GALNTL6: variants seen among roughly 807,000 people sequenced by gnomAD.
GALNTL6 encodes the protein polypeptide N-acetylgalactosaminyltransferase like 6, also known as polypeptide N-acetylgalactosaminyltransferase-like 6.
A neutral mutation model predicts 73.7 loss-of-function variants in GALNTL6; 46 were observed. The observed-to-expected ratio is 0.62, with a 90% CI of 0.49 to 0.80. The LOEUF is 0.80. Ranked by LOEUF, GALNTL6 falls within the 30% of genes least tolerant of loss-of-function variation. The probability of loss-of-function intolerance (pLI) is 0.00; values close to 1 mark genes in which losing one functional copy is unlikely to be tolerated. For synonymous variants in GALNTL6, 259 were observed against 263.7 expected (o/e 0.98, Z 0.17); for missense variants, 604 against 755.0 (o/e 0.80, Z 2.34).
chr4:172,997,586 C>T (rs1751852205), intron 10 of GALNTL6, among the ~76,000 whole-genome samples: 1 of 151,946 alleles, frequency 6.6e-6, no homozygotes, highest in African/African-American at 2.4e-5. Context: ...TTGTTTTTGG[C>T]CAGAGATCCT....
At chr4:171,910,179 T>C (rs1057023225) in intron 2 of GALNTL6, among the ~76,000 whole-genome samples, 47 of 151,948 alleles carry the variant, frequency 3.1e-4, no homozygotes, top group African/African-American at 1.1e-3. Context: ...CAAAACACTT[T>C]AAAAAACTGT....
At chr4:172,584,565 A>C (rs1481488706) in intron 5 of GALNTL6, among the ~76,000 whole-genome samples, 1 of 152,176 alleles carries the variant, frequency 6.6e-6, no homozygotes, top group East Asian at 1.9e-4. Context: ...CAAGAAATTA[A>C]ACGTTGTGAT....
At chr4:172,808,476 T>C (rs1392446359) in intron 5 of GALNTL6, among the ~76,000 whole-genome samples, 2 of 152,194 alleles carry the variant, frequency 1.3e-5, no homozygotes, top group Non-Finnish European at 2.9e-5. Context: ...CAATGAATAC[T>C]AGACTATACC....
At chr4:171,840,104 CTT>C (rs1370811981) in intron 2 of GALNTL6, among the ~76,000 whole-genome samples, 3 of 152,158 alleles carry the variant, frequency 2.0e-5, no homozygotes, top group Non-Finnish European at 4.4e-5. Flanking sequence ...CTTTTACTCT[CTT>C]GTTTAACCAC....
intron 5 of GALNTL6, among the ~76,000 whole-genome samples, chr4:172,410,860 CT>C (rs1744407578): frequency 6.6e-6 from 1 of 152,110 alleles, no homozygotes; most frequent in South Asian, 2.1e-4. Context: ...CTCCTACCCC[CT>C]CATGTCAACA....
At position 171,815,745 on chromosome 4, in the gene GALNTL6, A is replaced by G. The variant is rs553442332; in HGVS notation, c.138+1027A>G. ...TTGAAGTAGTCCATTCCTGGAAAACAGCAATATATAGTAATGGCCATTAAA... is the reference window on the plus strand; with the variant it reads ...TTGAAGTAGTCCATTCCTGGAAAACGGCAATATATAGTAATGGCCATTAAA... On this transcript the variant is annotated intron_variant, in intron 2 of 12. Coordinates refer to ENST00000506823, the MANE Select transcript of GALNTL6 (RefSeq NM_001034845.3). Among the ~76,000 whole-genome samples the G allele has an allele frequency of 5.3e-5, 8 of 152,342 alleles. No homozygotes were observed. The East Asian group carries it at 1.2e-3, about 22-fold the overall frequency.
chr4:171,943,403 T>A (rs1182494712), intron 2 of GALNTL6, among the ~76,000 whole-genome samples: 1 of 152,220 alleles, frequency 6.6e-6, no homozygotes. Flanking sequence ...AAGTTAGAGA[T>A]GGAATTTTAC....
intron 5 of GALNTL6, among the ~76,000 whole-genome samples, chr4:172,558,671 T>C: frequency 6.6e-6 from 1 of 152,192 alleles, no homozygotes. Flanking sequence ...TATTTTTGTA[T>C]AACCACCCTA....
chr4:172,899,231 A>G (rs867632381), intron 8 of GALNTL6, among the ~76,000 whole-genome samples: 2 of 152,156 alleles, frequency 1.3e-5, no homozygotes, highest in African/African-American at 4.8e-5. Context: ...GAGAAATGTT[A>G]TGTTGTCTTC....
At chr4:172,252,708 C>A (rs1282402463) in intron 3 of GALNTL6, among the ~76,000 whole-genome samples, 1 of 151,966 alleles carries the variant, frequency 6.6e-6, no homozygotes, top group East Asian at 1.9e-4. Flanking sequence ...TTCTAATGGT[C>A]TTTTGTGAAA....
At chr4:172,174,561 A>G (rs1388445080) in intron 2 of GALNTL6, among the ~76,000 whole-genome samples, 1 of 152,216 alleles carries the variant, frequency 6.6e-6, no homozygotes, top group Non-Finnish European at 1.5e-5. Flanking sequence ...ATGAAAATAA[A>G]TTTATTGGTC....
Position 172,033,296 on chromosome 4 carries a change from A to G in GALNTL6, c.139-196360A>G, listed in dbSNP as rs761478506. Among the ~76,000 whole-genome samples, 29 of 152,096 alleles carry G rather than the reference A, an allele frequency of 1.9e-4. 1 individual carries two copies. Among genetic ancestry groups the G allele is most frequent in the Admixed American group, 3.9e-4 (6 of 15,240 alleles). On this transcript the variant is annotated intron_variant, in intron 2 of 12. Coordinates refer to ENST00000506823, the MANE Select transcript of GALNTL6 (RefSeq NM_001034845.3). ...CATTTGTCAAATGCTTGTGTTCCAT[A>G]ACAAGAATATATTCTATAAATATAA...
intron 5 of GALNTL6, among the ~76,000 whole-genome samples, chr4:172,604,468 T>C (rs1275515748): frequency 3.3e-5 from 5 of 152,200 alleles, no homozygotes; most frequent in African/African-American, 7.2e-5. Flanking sequence ...CAAAAGACTT[T>C]AAGCACCAGT....
intron 2 of GALNTL6, among the ~76,000 whole-genome samples, chr4:171,861,248 G>A (rs1229986885): frequency 6.6e-6 from 1 of 152,144 alleles, no homozygotes; most frequent in Non-Finnish European, 1.5e-5. Context: ...AAGGATCACA[G>A]TGTGTGCTAC....
intron 2 of GALNTL6, among the ~76,000 whole-genome samples, chr4:172,027,538 T>G (rs1741623590): frequency 6.6e-6 from 1 of 152,072 alleles, no homozygotes; most frequent in Admixed American, 6.6e-5. Flanking sequence ...CTCTCTCTCT[T>G]CAGGCCTCCC....
At chr4:171,835,292 G>T (rs1245301893) in intron 2 of GALNTL6, among the ~76,000 whole-genome samples, 1 of 151,868 alleles carries the variant, frequency 6.6e-6, no homozygotes, top group Non-Finnish European at 1.5e-5. Flanking sequence ...TTTTGGCTTT[G>T]TGTGTCTGTG....
At chr4:172,141,302 A>G (rs1733791780) in intron 2 of GALNTL6, among the ~76,000 whole-genome samples, 1 of 152,042 alleles carries the variant, frequency 6.6e-6, no homozygotes, top group South Asian at 2.1e-4. Context: ...ACAGAAATAA[A>G]TTAAACACAA....
rs180909036 is a variant in GALNTL6 at position 171,988,215 on chromosome 4, G to A, written c.138+173497G>A. 7.8e-3 allele frequency among the ~76,000 whole-genome samples: 1,182 copies of A among 152,242 alleles called. 15 individuals carry two copies. Among genetic ancestry groups the A allele is most frequent in the African/African-American group, 0.025 (1,056 of 41,552 alleles). On this transcript the variant is annotated intron_variant, in intron 2 of 12. Coordinates refer to ENST00000506823, the MANE Select transcript of GALNTL6 (RefSeq NM_001034845.3). ...TGGCTCTTGTGTAAGAATTCTGACC[G>A]CACTAAGCATGCCTAGGAAGGAAAG...
chr4:171,862,684 T>G (rs1735864264), intron 2 of GALNTL6, among the ~76,000 whole-genome samples: 1 of 152,132 alleles, frequency 6.6e-6, no homozygotes, highest in Non-Finnish European at 1.5e-5. Context: ...ATATTTTATG[T>G]AATAATGTAA....
Sources: allele counts gnomAD v4.1 joint callset (sites outside exome capture counted in the v4.1 genomes callset), GRCh38; gene constraint gnomAD v4.1.1; transcripts MANE v1.5; gene names NCBI Gene and HGNC (gene_info 2026-07-23, HGNC 2026-07-21).